Variants in MND1 observed in about 807,000 individuals in gnomAD.
MND1 encodes meiotic nuclear division protein 1 homolog.
MND1 carries 28 observed loss-of-function variants against 35.1 expected under a neutral mutation model. The ratio of observed to expected loss-of-function variants is 0.80; its 90% CI spans 0.59 to 1.09. MND1 has a LOEUF of 1.09. Among genes scored for constraint, MND1 ranks in the 50% least tolerant of loss-of-function variants. The pLI is 0.00. For synonymous variants in MND1, 69 were observed against 70.5 expected (o/e 0.98, Z 0.11); for missense variants, 213 against 239.6 (o/e 0.89, Z 0.73).
rs751676271 is a variant in MND1, at chr4:153,344,721, G to T, written c.-17G>T. 2.5e-5 allele frequency: 39 copies of T among 1,590,584 alleles called. No homozygotes were observed. Among genetic ancestry groups the T allele is most frequent in the Non-Finnish European group, 3.2e-5 (37 of 1,169,954 alleles). Reference sequence around the variant, plus strand: ...CCAAGCGCGGGCCCGGCCAGCGGAAGCCCCTGCGCCCGCGCCATGGTAAGG... The same window carrying T: ...CCAAGCGCGGGCCCGGCCAGCGGAATCCCCTGCGCCCGCGCCATGGTAAGG... On this transcript the variant is annotated 5_prime_UTR_variant, in exon 1 of 8. Transcript: ENST00000240488.
intron 1 of MND1, among the ~76,000 whole-genome samples, chr4:153,346,261 A>AT: frequency 6.6e-6 from 1 of 152,328 alleles, no homozygotes; most frequent in East Asian, 1.9e-4. Context: ...AGTGATGTCT[A>AT]CTTAATAATT....
chr4:153,354,832 T>C (rs1227551372), intron 2 of MND1, among the ~76,000 whole-genome samples: 1 of 152,154 alleles, frequency 6.6e-6, no homozygotes, highest in Non-Finnish European at 1.5e-5. Context: ...GTGGGAAGAT[T>C]GTTCTTTATG....
intron 4 of MND1, among the ~76,000 whole-genome samples, chr4:153,376,970 T>C (rs1475318726): frequency 1.3e-5 from 2 of 152,140 alleles, no homozygotes; most frequent in African/African-American, 2.4e-5. Context: ...TTATACTAAT[T>C]TGGAGAATTT....
intron 4 of MND1, among the ~76,000 whole-genome samples, chr4:153,380,952 T>TA (rs1205759090): frequency 3.3e-5 from 5 of 151,714 alleles, no homozygotes; most frequent in Admixed American, 6.6e-5. Context: ...CAGGCTGGAG[T>TA]ACAGTGGTGC....
chr4:153,396,470 G>C lies in MND1; in HGVS notation c.352-749G>C, dbSNP rs117539522. ...CCTTACGAGTCGTGTTAGGCAGTTT[G>C]AACTTTACTTGATTTTGCCTCGGAT... On this transcript the variant is annotated intron_variant, in intron 5 of 7. Coordinates refer to ENST00000240488, the MANE Select transcript of MND1 (RefSeq NM_032117.4). Among the ~76,000 whole-genome samples, 140 of 152,330 alleles carry C rather than the reference G, an allele frequency of 9.2e-4. 2 individuals carry two copies. In the East Asian group the frequency reaches 9.2e-3, roughly 10 times the overall value.
In MND1 at chr4:153,363,439, C is replaced by T. The variant is rs368848001; in HGVS notation, c.276+4817C>T. On this transcript the variant is annotated intron_variant, in intron 4 of 7. Transcript: ENST00000240488. ...TTTAGCCAGGCTGGTCTCGAACTCC[C>T]GACCTCAGGTGATCCACCCGCCTCG... Among the ~76,000 whole-genome samples, 524 of 152,108 alleles carry T rather than the reference C, an allele frequency of 3.4e-3. 9 individuals carry two copies. Among genetic ancestry groups the T allele is most frequent in the African/African-American group, 0.012 (501 of 41,502 alleles).
intron 7 of MND1, among the ~76,000 whole-genome samples, chr4:153,412,068 G>A (rs970258332): frequency 6.6e-6 from 1 of 152,126 alleles, no homozygotes; most frequent in Non-Finnish European, 1.5e-5. Flanking sequence ...AGGTTGTTAG[G>A]AAAAGTAAAG....
intron 4 of MND1, among the ~76,000 whole-genome samples, chr4:153,376,676 A>G (rs985273258): frequency 6.6e-6 from 1 of 152,148 alleles, no homozygotes; most frequent in Non-Finnish European, 1.5e-5. Flanking sequence ...CTTTTTCCAA[A>G]AAGAATAGAA....
At chr4:153,405,244 G>T (rs894716254) in intron 6 of MND1, among the ~76,000 whole-genome samples, 3 of 152,068 alleles carry the variant, frequency 2.0e-5, no homozygotes, top group African/African-American at 4.8e-5. Context: ...TCGCTACAAG[G>T]CTGCAGTTAT....
chr4:153,367,912 T>G (rs771463274), intron 4 of MND1, among the ~76,000 whole-genome samples: 1 of 152,214 alleles, frequency 6.6e-6, no homozygotes, highest in Non-Finnish European at 1.5e-5. Flanking sequence ...TGGTTTTGGC[T>G]TCCATTTCTC....
intron 1 of MND1, among the ~76,000 whole-genome samples, chr4:153,348,506 C>T (rs540469245): frequency 2.6e-4 from 39 of 152,252 alleles, no homozygotes; most frequent in African/African-American, 8.7e-4. Flanking sequence ...GAGATGGGAT[C>T]AGTAGCCAAA....
chr4:153,355,744 G>A (rs1561055847), intron 3 of MND1, 33 bp downstream of exon 3: 2 of 1,285,916 alleles, frequency 1.6e-6, no homozygotes, highest in Non-Finnish European at 1.1e-6. Context: ...AATGTTTTGG[G>A]AAATATACTG....
Position 153,360,604 on chromosome 4 carries a change from G to GTA in MND1, c.276+1983_276+1984insAT, listed in dbSNP as rs1351117949. On this transcript the variant is annotated intron_variant, in intron 4 of 7. Transcript: ENST00000240488. Reference sequence around the variant, plus strand: ...TCTGTATGTGTGTGTGTGTGTGTGTGTGTATATATATATACACATAAAAAT... The same window carrying GTA: ...TCTGTATGTGTGTGTGTGTGTGTGTGTATGTATATATATATACACATAAAAAT... Among the ~76,000 whole-genome samples the GTA allele has an allele frequency of 1.3e-3, 171 of 128,514 alleles. 1 individual carries two copies. The highest frequency in any genetic ancestry group is 3.7e-3 in the African/African-American group (115 of 30,746). 84.3% of individuals were successfully genotyped at this position (128,514 alleles called of 152,430 possible). A position where few individuals can be genotyped will look rare whatever the true frequency, so the allele number is the denominator to read the frequency against.
At chr4:153,410,577 T>C (rs935681733) in intron 7 of MND1, among the ~76,000 whole-genome samples, 4 of 152,232 alleles carry the variant, frequency 2.6e-5, no homozygotes, top group Non-Finnish European at 5.9e-5. Context: ...ATCAATATAA[T>C]TGGCCTTTAG....
chr4:153,378,986 A>G (rs775989816), intron 4 of MND1, among the ~76,000 whole-genome samples: 13 of 152,184 alleles, frequency 8.5e-5, no homozygotes, highest in Non-Finnish European at 1.5e-4. Context: ...GCAAGTGAGA[A>G]CTTTTGAAAC....
intron 4 of MND1, among the ~76,000 whole-genome samples, chr4:153,388,683 C>T (rs1011291851): frequency 1.3e-5 from 2 of 152,200 alleles, no homozygotes; most frequent in African/African-American, 4.8e-5. Flanking sequence ...GAGACCTCCA[C>T]AGCCAGCAGC....
chr4:153,390,407 G>A (rs947213912), intron 4 of MND1, among the ~76,000 whole-genome samples: 10 of 152,160 alleles, frequency 6.6e-5, no homozygotes, highest in African/African-American at 2.2e-4. Context: ...GACAAATCAT[G>A]AATTCCATGC....
In MND1 at chr4:153,353,404, C is replaced by CATATATATAT. The variant is rs58280101; in HGVS notation, c.70-2215_70-2206dup. ...ACATTTTATTCTACTGACTTTATCACATATATATATATATATATATATATA... is the reference window on the plus strand; with the variant it reads ...ACATTTTATTCTACTGACTTTATCACATATATATATATATATATATATATATATATATATA... On this transcript the variant is annotated intron_variant, in intron 2 of 7. Coordinates refer to ENST00000240488, the MANE Select transcript of MND1 (RefSeq NM_032117.4). 3.0e-3 allele frequency among the ~76,000 whole-genome samples: 245 copies of CATATATATAT among 81,886 alleles called. 1 individual carries two copies. Among genetic ancestry groups the CATATATATAT allele is most frequent in the Non-Finnish European group, 3.9e-3 (160 of 40,954 alleles). The allele number at this position is 81,886 out of a possible 152,430, so 53.7% of individuals were successfully genotyped here. A position where few individuals can be genotyped will look rare whatever the true frequency, so the allele number is the denominator to read the frequency against.
chr4:153,373,056 T>G lies in MND1; in HGVS notation c.276+14434T>G, dbSNP rs537224254. ...AATAGTAGCATGGCATATCTTTTTC[T>G]GTTTACTTTTAATCTTTTTGTATTT... On this transcript the variant is annotated intron_variant, in intron 4 of 7. Coordinates refer to ENST00000240488, the MANE Select transcript of MND1 (RefSeq NM_032117.4). Among the ~76,000 whole-genome samples the G allele has an allele frequency of 1.4e-4, 22 of 152,192 alleles. No homozygotes were observed. The East Asian group carries it at 2.5e-3, about 17-fold the overall frequency.
Sources: gnomAD v4.1 joint callset for allele counts (sites outside exome capture counted in the v4.1 genomes callset) on GRCh38, gnomAD v4.1.1 for gene constraint, MANE v1.5 for transcripts, NCBI Gene and HGNC (gene_info 2026-07-23, HGNC 2026-07-21) for gene names.